Variants in CCDC122 observed in about 807,000 individuals in gnomAD.
The protein encoded by CCDC122 is coiled-coil domain containing 122, also known as coiled-coil domain-containing protein 122.
A neutral mutation model predicts 37.0 loss-of-function variants in CCDC122; 38 were observed. That is an observed-to-expected ratio of 1.03 (90% CI 0.79 to 1.35). CCDC122 has a LOEUF of 1.35. Among genes scored for constraint, CCDC122 ranks in the 40% most tolerant of loss-of-function variants. The pLI, the probability that CCDC122 is intolerant of heterozygous loss-of-function variation, is 0.00. For missense variants in CCDC122, 305 were observed against 310.0 expected (o/e 0.98, Z 0.12); for synonymous variants, 83 against 95.6 (o/e 0.87, Z 0.77).
Position 43,837,259 on chromosome 13 carries a change from C to A in CCDC122, c.*21G>T. The A allele has an allele frequency of 6.2e-7, 1 of 1,603,314 alleles. No homozygotes were observed. The highest frequency in any genetic ancestry group is 8.5e-7 in the Non-Finnish European group (1 of 1,175,562). On this transcript the variant is annotated 3_prime_UTR_variant, in exon 7 of 7. Transcript: ENST00000444614. ...AATTTTTGTTGTCATGGTCTGTGTTCCACATTGCCCTATGGCAATGTTACT... is the reference window on the plus strand; with the variant it reads ...AATTTTTGTTGTCATGGTCTGTGTTACACATTGCCCTATGGCAATGTTACT...
chr13:43,864,046 A>G lies in CCDC122; in HGVS notation c.157-3976T>C, dbSNP rs116700598. Among the ~76,000 whole-genome samples the G allele has an allele frequency of 3.4e-3, 523 of 152,308 alleles. 3 individuals carry two copies. The highest frequency in any genetic ancestry group is 0.012 in the African/African-American group (506 of 41,556). The stretch of plus-strand genomic sequence containing the variant: ...TGGTTTGAGGTGAAATTTGAGGTTC[A>G]GAATTTTTTTTGCATGAAAATATCC... On this transcript the variant is annotated intron_variant, in intron 4 of 6. Transcript: ENST00000444614.
At chr13:43,846,183 T>G (rs1289744659) in intron 6 of CCDC122, among the ~76,000 whole-genome samples, 1 of 152,158 alleles carries the variant, frequency 6.6e-6, no homozygotes, top group Admixed American at 6.5e-5. Flanking sequence ...CAAGCAATTT[T>G]CCAGCCTCAG....
chr13:43,843,694 C>A (rs543838203), intron 6 of CCDC122, among the ~76,000 whole-genome samples: 2 of 151,812 alleles, frequency 1.3e-5, no homozygotes, highest in Non-Finnish European at 2.9e-5. Context: ...TCAGTTGGAG[C>A]CTTATATATG....
At chr13:43,826,442 G>C (rs538543141) in intron 3 of CCDC122, among the ~76,000 whole-genome samples, 5 of 151,612 alleles carry the variant, frequency 3.3e-5, no homozygotes, top group African/African-American at 9.7e-5. Flanking sequence ...TTTCCATTTT[G>C]CTATGTACAT....
At chr13:43,823,591 A>C (rs1402985540), downstream of CCDC122, among the ~76,000 whole-genome samples, 1 of 152,242 alleles carries the variant, frequency 6.6e-6, no homozygotes, top group Non-Finnish European at 1.5e-5. Flanking sequence ...TATGGCCCAC[A>C]GTGGCAAGGC....
chr13:43,827,227 A>T (rs1440563554), intron 3 of CCDC122, among the ~76,000 whole-genome samples: 1 of 152,216 alleles, frequency 6.6e-6, no homozygotes, highest in Non-Finnish European at 1.5e-5. Flanking sequence ...CATTTTCCAG[A>T]AAAGCATTTT....
At chr13:43,869,036 A>G (rs1207060213) in intron 3 of CCDC122, among the ~76,000 whole-genome samples, 2 of 152,078 alleles carry the variant, frequency 1.3e-5, no homozygotes, top group Admixed American at 6.6e-5. Context: ...TCTACGGAAC[A>G]GTATAAATAT....
At chr13:43,874,454 C>G (rs2153880768) in intron 2 of CCDC122, among the ~76,000 whole-genome samples, 1 of 151,772 alleles carries the variant, frequency 6.6e-6, no homozygotes, top group African/African-American at 2.4e-5. Context: ...TTTTTGTATT[C>G]CTTAAAGTAT....
chr13:43,869,483 G>C lies in CCDC122; in HGVS notation c.-107C>G. The C allele has an allele frequency of 1.2e-6, 1 of 809,432 alleles. No homozygotes were observed. Among genetic ancestry groups the C allele is most frequent in the Non-Finnish European group, 1.9e-6 (1 of 512,950 alleles). 50.1% of individuals were successfully genotyped at this position (809,432 alleles called of 1,614,324 possible). ...CTTTTGTTTTTTCCTGTTGTATATT[G>C]GTGATCCTGAAAGGTAAATTAATTG... On this transcript the variant is annotated 5_prime_UTR_variant, in exon 3 of 7. Transcript: ENST00000444614.
At chr13:43,839,558 T>A (rs544213083) in intron 6 of CCDC122, among the ~76,000 whole-genome samples, 1 of 152,186 alleles carries the variant, frequency 6.6e-6, no homozygotes, top group Admixed American at 6.6e-5. Context: ...TGAACATTTG[T>A]GTGCAAGATT....
chr13:43,835,781 G>A (rs1953147318), downstream of CCDC122, among the ~76,000 whole-genome samples: 1 of 152,088 alleles, frequency 6.6e-6, no homozygotes, highest in Non-Finnish European at 1.5e-5. Flanking sequence ...TTTTTAATAT[G>A]CAAGTTACAT....
In CCDC122 at chr13:43,869,351, C is replaced by T; in HGVS notation, c.26G>A (p.Ser9Asn). 6.2e-7 allele frequency: 1 copy of T among 1,608,428 alleles called. No homozygotes were observed. The highest frequency in any genetic ancestry group is 2.2e-5 in the East Asian group (1 of 44,660). Residue 9 changes from serine to asparagine, a missense_variant, in exon 3 of 7, where the codon AGT becomes AAT. Physicochemically the swap from Ser to Asn is conservative, Grantham distance 46. Transcript: ENST00000444614. ...ATTACCTTCTTTAGGAAATCCTTGA[C>T]TCTTCCTTTCTTTGTTGTCTGACAT... The part of the protein sequence containing the change: MSDNKERK[S>N]QGFPKEDNQD...
intron 4 of CCDC122, among the ~76,000 whole-genome samples, chr13:43,862,045 G>A (rs938835923): frequency 2.0e-5 from 3 of 151,840 alleles, no homozygotes; most frequent in African/African-American, 7.3e-5. Context: ...CCCTATTTCC[G>A]TTCCTCCCCA....
chr13:43,866,942 G>A (rs1360916104), intron 4 of CCDC122, among the ~76,000 whole-genome samples: 4 of 151,948 alleles, frequency 2.6e-5, no homozygotes, highest in Non-Finnish European at 5.9e-5. Context: ...TAGCTGTACT[G>A]GCCTGAACTA....
At chr13:43,843,065 A>G (rs2153870683) in intron 6 of CCDC122, among the ~76,000 whole-genome samples, 1 of 152,190 alleles carries the variant, frequency 6.6e-6, no homozygotes, top group East Asian at 1.9e-4. Context: ...TGCATAAAGA[A>G]GGTGATATCA....
At chr13:43,832,778 C>T (rs151330225), downstream of CCDC122, among the ~76,000 whole-genome samples, 1,271 of 152,238 alleles carry the variant, frequency 8.3e-3, 13 homozygotes, top group African/African-American at 0.027. Context: ...AACCTTGCCC[C>T]TGATGAGCTG....
chr13:43,858,701 A>G, intron 6 of CCDC122, 80 bp downstream of exon 6: 1 of 1,028,564 alleles, frequency 9.7e-7, no homozygotes, highest in South Asian at 2.1e-5. Flanking sequence ...TATTGAGAGT[A>G]AACTATGGAA....
chr13:43,870,898 C>A (rs1275507457), intron 2 of CCDC122, among the ~76,000 whole-genome samples: 3 of 152,004 alleles, frequency 2.0e-5, no homozygotes, highest in Non-Finnish European at 4.4e-5. Flanking sequence ...TATATCACTC[C>A]AGAATCAAAC....
intron 2 of CCDC122, among the ~76,000 whole-genome samples, chr13:43,874,027 C>T (rs1418230900): frequency 1.3e-5 from 2 of 152,170 alleles, no homozygotes; most frequent in African/African-American, 2.4e-5. Context: ...CTTTCAATTC[C>T]ATTTAGATGG....
Sources: gnomAD v4.1 joint callset for allele counts (sites outside exome capture counted in the v4.1 genomes callset) on GRCh38, gnomAD v4.1.1 for gene constraint, MANE v1.5 for transcripts, NCBI Gene and HGNC (gene_info 2026-07-23, HGNC 2026-07-21) for gene names.